Variants in NHEJ1 observed in about 807,000 individuals in gnomAD.
NHEJ1 encodes the protein non-homologous end joining factor 1, also known as non-homologous end-joining factor 1.
Under a neutral mutation model 39.4 loss-of-function variants are expected in NHEJ1, and 22 were observed. That is an observed-to-expected ratio of 0.56 (90% CI 0.40 to 0.80). The LOEUF (loss-of-function observed/expected upper bound fraction) is 0.80, where lower values mean the gene tolerates loss of function less well. Among genes scored for constraint, NHEJ1 ranks in the 30% least tolerant of loss-of-function variants. The pLI is 0.00. For synonymous variants in NHEJ1, 154 were observed against 135.6 expected (o/e 1.14, Z -0.94); for missense variants, 329 against 357.1 (o/e 0.92, Z 0.63).
chr2:219,148,947 G>A (rs145458141), intron 3 of NHEJ1, among the ~76,000 whole-genome samples: 4 of 151,614 alleles, frequency 2.6e-5, no homozygotes, highest in Admixed American at 6.6e-5. Context: ...ACAGTAGCAC[G>A]ATCTCAGCTC....
intron 4 of NHEJ1, 105 bp downstream of exon 4, chr2:219,147,552 C>T: frequency 7.1e-7 from 1 of 1,410,580 alleles, no homozygotes; most frequent in Non-Finnish European, 1.0e-6. Context: ...CAGCACCCAT[C>T]CTGGGGGAGG....
chr2:219,152,934 CTGAGA>C (rs1252401441), intron 3 of NHEJ1, among the ~76,000 whole-genome samples: 1 of 152,016 alleles, frequency 6.6e-6, no homozygotes, highest in East Asian at 1.9e-4. Flanking sequence ...TCCTGAGCAG[CTGAGA>C]TTACAGGCAT....
At position 219,156,414 on chromosome 2, in the gene NHEJ1, T is replaced by A. The variant is rs182707974; in HGVS notation, c.390+1058A>T. Among the ~76,000 whole-genome samples the A allele has an allele frequency of 3.3e-5, 5 of 152,320 alleles. No individual in the cohort carries two copies. In the East Asian group the frequency reaches 9.6e-4, roughly 29 times the overall value. ...TGTCTTCAGATCCCTCTGCTAACAA[T>A]CTATACTTTTAGGCTTCCCAAAGAA... On this transcript the variant is annotated intron_variant, in intron 3 of 7. Coordinates refer to ENST00000356853, the MANE Select transcript of NHEJ1 (RefSeq NM_024782.3).
At chr2:219,097,880 G>A (rs1326487347) in intron 5 of NHEJ1, among the ~76,000 whole-genome samples, 1 of 152,146 alleles carries the variant, frequency 6.6e-6, no homozygotes, top group East Asian at 1.9e-4. Context: ...AGCAAATGTG[G>A]GTAGAGAATA....
chr2:219,148,969 C>T (rs1487848129), intron 3 of NHEJ1, among the ~76,000 whole-genome samples: 2 of 151,986 alleles, frequency 1.3e-5, no homozygotes, highest in Admixed American at 1.3e-4. Context: ...CTACAACCTC[C>T]ACCTCCCAGG....
chr2:219,076,534 A>G (rs1008242176), intron 7 of NHEJ1, 79 bp from the exon 8 acceptor site: 1 of 1,051,404 alleles, frequency 9.5e-7, no homozygotes, highest in South Asian at 1.3e-5. Context: ...TCTTCCTCTC[A>G]TGGCTCCTGG....
intron 5 of NHEJ1, among the ~76,000 whole-genome samples, chr2:219,133,533 T>C (rs916688799): frequency 6.6e-6 from 1 of 152,118 alleles, no homozygotes; most frequent in Non-Finnish European, 1.5e-5. Context: ...GGGAGAGAAG[T>C]ATAGCAATTC....
rs372630568 is a variant in NHEJ1 at position 219,157,579 on chromosome 2, A to G, written c.283T>C (p.Phe95Leu). ...GCATCTGCCACACAATCACAGGAGA[A>G]GGTAGCTTCGCTAGGGTGAGCAGCG... is the stretch of plus-strand genomic sequence containing the variant. ...KDAAHPSEAT[F>L]SCDCVADALI... The change falls in exon 3 of 8, where the codon TTC (phenylalanine) becomes CTC (leucine). Residue 95 changes from phenylalanine (F) to leucine (L), a missense_variant. Physicochemically the swap from Phe to Leu is conservative, Grantham distance 22. Transcript: ENST00000356853. 1 of 1,614,226 alleles carries G rather than the reference A, an allele frequency of 6.2e-7. No homozygotes were observed. The highest frequency in any genetic ancestry group is 8.5e-7 in the Non-Finnish European group (1 of 1,180,036).
intron 3 of NHEJ1, among the ~76,000 whole-genome samples, chr2:219,150,621 ACCAGCCTGGG>A (rs1949785827): frequency 6.6e-6 from 1 of 152,078 alleles, no homozygotes; most frequent in African/African-American, 2.4e-5. Context: ...GGAGTTTGAG[ACCAGCCTGGG>A]CAACATGGTG....
chr2:219,149,789 T>G (rs1005909465), intron 3 of NHEJ1, among the ~76,000 whole-genome samples: 1 of 152,220 alleles, frequency 6.6e-6, no homozygotes, highest in Non-Finnish European at 1.5e-5. Context: ...ATAGTTAACA[T>G]TTTTGGCTTT....
intron 5 of NHEJ1, among the ~76,000 whole-genome samples, chr2:219,110,169 TCCCTG>T: frequency 6.6e-6 from 1 of 152,116 alleles, no homozygotes; most frequent in East Asian, 1.9e-4. Context: ...CAGACAAAAA[TCCCTG>T]CCCTCATTGA....
At chr2:219,078,939 G>A (rs1014623514) in intron 5 of NHEJ1, among the ~76,000 whole-genome samples, 1 of 152,102 alleles carries the variant, frequency 6.6e-6, no homozygotes, top group Non-Finnish European at 1.5e-5. Context: ...TTCCTGATAG[G>A]GAGTGATTAG....
chr2:219,155,649 G>A (rs944696480), intron 3 of NHEJ1, among the ~76,000 whole-genome samples: 1 of 152,134 alleles, frequency 6.6e-6, no homozygotes, highest in African/African-American at 2.4e-5. Context: ...AGGGCCGGGC[G>A]CAGTGGCTCA....
intron 5 of NHEJ1, among the ~76,000 whole-genome samples, chr2:219,093,185 G>C (rs1261467346): frequency 6.6e-6 from 1 of 152,074 alleles, no homozygotes; most frequent in East Asian, 1.9e-4. Context: ...GCTGTAGAAG[G>C]TACCACTGTC....
At chr2:219,104,968 G>C (rs1949300798) in intron 5 of NHEJ1, among the ~76,000 whole-genome samples, 1 of 152,126 alleles carries the variant, frequency 6.6e-6, no homozygotes, top group Non-Finnish European at 1.5e-5. Flanking sequence ...ACATCAGCTG[G>C]GGTGGCAGGC....
rs577936764 is a variant in NHEJ1, at chr2:219,076,025, G to C, written c.*356C>G. 1 of 444,006 alleles carries C rather than the reference G, an allele frequency of 2.3e-6. No homozygotes were observed. The highest frequency in any genetic ancestry group is 4.0e-6 in the Non-Finnish European group (1 of 249,414). The allele number at this position is 444,006 out of a possible 1,614,324, so 27.5% of individuals were successfully genotyped here. ...AAAGAGAGAAGTGGGTCTCTGAGGA[G>C]TATCTGGGGCTGGCTGGCTAGAGAC... On this transcript the variant is annotated 3_prime_UTR_variant, in exon 8 of 8. Coordinates refer to ENST00000356853, the MANE Select transcript of NHEJ1 (RefSeq NM_024782.3).
chr2:219,147,753 C>A lies in NHEJ1; in HGVS notation c.433G>T (p.Ala145Ser). 1 of 1,614,152 alleles carries A rather than the reference C, an allele frequency of 6.2e-7. No individual in the cohort carries two copies. The highest frequency in any genetic ancestry group is 8.5e-7 in the Non-Finnish European group (1 of 1,180,004). The change falls in exon 4 of 8, where the codon GCA (alanine) becomes TCA (serine). Residue 145 changes from alanine (A) to serine (S), a missense_variant. Coordinates refer to ENST00000356853, the MANE Select transcript of NHEJ1 (RefSeq NM_024782.3). ...LIRPLMGMSLALQCQVRELAT... is the reference protein window; with the variant it reads ...LIRPLMGMSLSLQCQVRELAT... Reference sequence around the variant, plus strand: ...AGCTCCCTCACTTGGCACTGTAATGCCAGACTCATGCCCATCAGAGGACGA... The same window carrying A: ...AGCTCCCTCACTTGGCACTGTAATGACAGACTCATGCCCATCAGAGGACGA...
intron 1 of NHEJ1, among the ~76,000 whole-genome samples, chr2:219,159,612 C>CAT (rs1559206479): frequency 1.9e-5 from 2 of 107,434 alleles, no homozygotes; most frequent in African/African-American, 7.4e-5. Flanking sequence ...CATATATATA[C>CAT]ATATACGTGG....
At chr2:219,131,097 G>GA (rs1011854603) in intron 5 of NHEJ1, among the ~76,000 whole-genome samples, 10 of 151,614 alleles carry the variant, frequency 6.6e-5, no homozygotes, top group Admixed American at 1.3e-4. Flanking sequence ...GTCTCAAAAA[G>GA]AAAAAAAACA....
Sources: allele counts gnomAD v4.1 joint callset (sites outside exome capture counted in the v4.1 genomes callset), GRCh38; gene constraint gnomAD v4.1.1; transcripts MANE v1.5; gene names NCBI Gene and HGNC (gene_info 2026-07-23, HGNC 2026-07-21).